The following HAUS7 variants were observed in gnomAD, a reference collection of about 807,000 sequenced individuals.
HAUS7 encodes the protein HAUS augmin like complex subunit 7.
Under a neutral mutation model 28.4 loss-of-function variants are expected in HAUS7, and 3 were observed. The ratio of observed to expected loss-of-function variants is 0.11; its 90% CI spans 0.05 to 0.27. HAUS7 has a LOEUF of 0.27. HAUS7 is among the 10% of genes least tolerant of loss of function. The probability of loss-of-function intolerance (pLI) is 1.00; values close to 1 mark genes in which losing one functional copy is unlikely to be tolerated. For missense variants in HAUS7, 284 were observed against 297.3 expected (o/e 0.96, Z 0.33); for synonymous variants, 165 against 132.1 (o/e 1.25, Z -1.71).
intron 3 of HAUS7, among the ~76,000 whole-genome samples, chrX:153,463,268 G>A (rs1433124435): frequency 8.9e-6 from 1 of 111,880 alleles, no homozygotes; most frequent in Non-Finnish European, 1.9e-5. Flanking sequence ...TAACCCTGGA[G>A]GGTTTGTTGC....
At chrX:153,453,002 A>C (rs782569532) in intron 9 of HAUS7, among the ~76,000 whole-genome samples, 85 of 112,368 alleles carry the variant, frequency 7.6e-4, no homozygotes, top group South Asian at 5.5e-3. Flanking sequence ...CGTTCACACA[A>C]AAGACTTACG....
chrX:153,474,758 G>A (rs1404858398), upstream of HAUS7, among the ~76,000 whole-genome samples: 3 of 103,745 alleles, frequency 2.9e-5, no homozygotes, highest in East Asian at 6.1e-4. Flanking sequence ...CGCGGGATGG[G>A]CGAGTGGCTG....
At chrX:153,474,601 C>T (rs1188581918), upstream of HAUS7, among the ~76,000 whole-genome samples, 1 of 111,033 alleles carries the variant, frequency 9.0e-6, no homozygotes, top group Non-Finnish European at 1.9e-5. Context: ...TGTCCTCCTG[C>T]CCCGGGCCCC....
intron 3 of HAUS7, 68 bp from the exon 4 acceptor site, chrX:153,462,739 G>A: frequency 1.2e-6 from 1 of 868,101 alleles, no homozygotes; most frequent in Non-Finnish European, 1.7e-6. Context: ...CAGACACCCA[G>A]GAAGCCCAGC....
chrX:153,483,311 C>T, intron 1 of HAUS7: 4 of 754,987 alleles, frequency 5.3e-6, no homozygotes, highest in Non-Finnish European at 6.3e-6. Context: ...CTAGGAGCTG[C>T]ACCTGGGCAC....
chrX:153,454,881 C>T, intron 8 of HAUS7: 1 of 1,030,256 alleles, frequency 9.7e-7, no homozygotes, highest in Non-Finnish European at 1.3e-6. Flanking sequence ...CCTCACCATC[C>T]CTGATCGAGG....
chrX:153,456,997 T>C, intron 5 of HAUS7, 140 bp downstream of exon 5: 1 of 486,053 alleles, frequency 2.1e-6, no homozygotes, highest in Non-Finnish European at 3.6e-6. Flanking sequence ...GGCCCCTGAT[T>C]GGCCAGCCAG....
intron 9 of HAUS7, among the ~76,000 whole-genome samples, chrX:153,451,874 C>T (rs1323852208): frequency 8.9e-6 from 1 of 111,848 alleles, no homozygotes; most frequent in East Asian, 2.8e-4. Flanking sequence ...GACCTTGAGG[C>T]TCTGAGCAAG....
chrX:153,472,582 G>A (rs1299367548), upstream of HAUS7, among the ~76,000 whole-genome samples: 1 of 109,630 alleles, frequency 9.1e-6, no homozygotes, highest in Non-Finnish European at 1.9e-5. Context: ...AGAGGTAGAA[G>A]CTTCTGGAAA....
intron 4 of HAUS7, chrX:153,461,751 G>A (rs2089394072): frequency 4.3e-6 from 1 of 233,747 alleles, no homozygotes; most frequent in Admixed American, 7.1e-5. Flanking sequence ...TGCCAGCGAG[G>A]ACGAGGAGAA....
chrX:153,489,011 G>A (rs782003357), intron 1 of HAUS7, among the ~76,000 whole-genome samples: 20 of 112,743 alleles, frequency 1.8e-4, no homozygotes, highest in South Asian at 7.3e-4. Context: ...ATGTACCTGC[G>A]GGCTCTTGGG....
upstream of HAUS7, among the ~76,000 whole-genome samples, chrX:153,471,962 CT>C (rs1388156909): frequency 1.8e-5 from 2 of 112,271 alleles, no homozygotes; most frequent in Non-Finnish European, 3.8e-5. Context: ...TTTTTTCCCT[CT>C]TTTTTGTTTT....
In HAUS7 at chrX:153,469,253, GT is replaced by G; in HGVS notation, c.116del (p.Asn39ThrfsTer31). 1 of 1,057,018 alleles carries G rather than the reference GT, an allele frequency of 9.5e-7. No homozygotes were observed. Among genetic ancestry groups the G allele is most frequent in the Non-Finnish European group, 1.3e-6 (1 of 756,118 alleles). The allele number at this position is 1,057,018 out of a possible 1,213,427, so 87.1% of individuals were successfully genotyped here. Reference sequence around the variant, plus strand: ...TATACAGACCCTCGAGGAAGGGGCAGTTTAGGTCCTAAGCAAGGAAAAGGAA... The same window carrying G: ...TATACAGACCCTCGAGGAAGGGGCAGTTAGGTCCTAAGCAAGGAAAAGGAA... ...VEVFGKLKDL[N>X]CPFLEGLYIT... On this transcript the variant is annotated frameshift_variant, in exon 2 of 10. Coordinates refer to ENST00000370211, the MANE Select transcript of HAUS7 (RefSeq NM_001385482.1). LOFTEE classifies it high-confidence loss of function.
chrX:153,449,330 G>A (rs986254143), intron 9 of HAUS7, among the ~76,000 whole-genome samples: 9 of 112,294 alleles, frequency 8.0e-5, no homozygotes, highest in Non-Finnish European at 9.4e-5. Context: ...GGGTGACACC[G>A]AGCTGGGGAA....
In HAUS7 at chrX:153,469,176, C is replaced by T; in HGVS notation, c.194G>A (p.Arg65His). 1 of 1,182,563 alleles carries T rather than the reference C, an allele frequency of 8.5e-7. No homozygotes were observed. The change falls in exon 2 of 10, where the codon CGC becomes CAC. Residue 65 changes from arginine (R) to histidine (H), a missense_variant. Transcript: ENST00000370211. Reference protein sequence around the residue: ...QELLCSPSEYRLEILEWMCTR... With the variant: ...QELLCSPSEYHLEILEWMCTR... ...ACACATCCACTCTAGGATCTCCAAG[C>T]GGTACTCTGAGGGGCTGCACAGCAG... is the stretch of plus-strand genomic sequence containing the variant.
At chrX:153,456,729 GC>G in intron 5 of HAUS7, 78 bp from the exon 6 acceptor site, 1 of 814,379 alleles carries the variant, frequency 1.2e-6, no homozygotes, top group Non-Finnish European at 1.8e-6. Flanking sequence ...CACAGGGAAG[GC>G]CCCAGAAGCA....
rs567826593 is a variant in HAUS7 at position 153,456,322 on chromosome X, C to T, written c.648G>A (p.Ala216=). The T allele has an allele frequency of 2.8e-5, 34 of 1,211,669 alleles. No homozygotes were observed. In the South Asian group the frequency reaches 5.4e-4, roughly 19 times the overall value. ...SAKSEEEEKL[A]ELARQLQESA... ...TCTCCTGCAGCTGCCTGGCAAGCTC[C>T]GCCAGCTTCTCCTCCTCCTCGGACT... The change falls in exon 7 of 10, where the codon GCG becomes GCA. Residue 216 remains alanine, a synonymous_variant. Coordinates refer to ENST00000370211, the MANE Select transcript of HAUS7 (RefSeq NM_001385482.1).
intron 1 of HAUS7, chrX:153,486,854 G>A: frequency 1.0e-6 from 1 of 954,463 alleles, no homozygotes; most frequent in Non-Finnish European, 1.4e-6. Context: ...GCTTCTCGAG[G>A]GGGTGGAGGG....
At chrX:153,449,493 C>T (rs1179790552) in intron 9 of HAUS7, among the ~76,000 whole-genome samples, 1 of 112,804 alleles carries the variant, frequency 8.9e-6, no homozygotes, top group Non-Finnish European at 1.9e-5. Flanking sequence ...TGGCATCTGC[C>T]CTTATCAAAT....
Sources: gnomAD v4.1 joint callset for allele counts (sites outside exome capture counted in the v4.1 genomes callset) on GRCh38, gnomAD v4.1.1 for gene constraint, MANE v1.5 for transcripts, NCBI Gene and HGNC (gene_info 2026-07-23, HGNC 2026-07-21) for gene names.